SH3RF2: variants seen among roughly 807,000 people sequenced by gnomAD.
SH3RF2 encodes E3 ubiquitin-protein ligase SH3RF2.
SH3RF2 carries 43 observed loss-of-function variants against 59.0 expected under a neutral mutation model. The observed-to-expected ratio is 0.73, with a 90% CI of 0.57 to 0.94. SH3RF2 has a LOEUF of 0.94. Among genes scored for constraint, SH3RF2 ranks in the 40% least tolerant of loss-of-function variants. The pLI is 0.00. For missense variants in SH3RF2, 930 were observed against 940.1 expected (o/e 0.99, Z 0.14); for synonymous variants, 391 against 391.5 (o/e 1.00, Z 0.01).
chr5:146,003,438 T>C (rs956303606), intron 3 of SH3RF2, among the ~76,000 whole-genome samples: 4 of 152,250 alleles, frequency 2.6e-5, no homozygotes, highest in African/African-American at 4.8e-5. Flanking sequence ...TTTAAAAATA[T>C]GTATGTTTAT....
At chr5:146,066,359 C>T (rs1763106289), downstream of SH3RF2, among the ~76,000 whole-genome samples, 2 of 152,206 alleles carry the variant, frequency 1.3e-5, no homozygotes, top group Admixed American at 6.5e-5. Flanking sequence ...CTCTCAGAGC[C>T]TCGTTTTCTT....
intron 2 of SH3RF2, among the ~76,000 whole-genome samples, chr5:145,942,591 G>T (rs1035582101): frequency 8.5e-5 from 13 of 152,322 alleles, no homozygotes; most frequent in Middle Eastern, 3.4e-3. Context: ...TACAGACAGT[G>T]GGGTTTTTGC....
At chr5:146,031,943 G>T (rs538117141) in intron 5 of SH3RF2, among the ~76,000 whole-genome samples, 1 of 152,286 alleles carries the variant, frequency 6.6e-6, no homozygotes, top group East Asian at 1.9e-4. Context: ...TCACAATGAT[G>T]CATGCTCCAG....
In SH3RF2 at chr5:146,002,844, T is replaced by A. The variant is rs556930074; in HGVS notation, c.649-1214T>A. ...CTTATGAGAATCTAATGCCTGATAATGTGAGGTGGAGCAGTTTTATCTTGA... is the reference window on the plus strand; with the variant it reads ...CTTATGAGAATCTAATGCCTGATAAAGTGAGGTGGAGCAGTTTTATCTTGA... On this transcript the variant is annotated intron_variant, in intron 3 of 9. Transcript: ENST00000359120. Among the ~76,000 whole-genome samples, 5 of 152,310 alleles carry A rather than the reference T, an allele frequency of 3.3e-5. No individual in the cohort carries two copies. The East Asian group carries it at 9.6e-4, about 29-fold the overall frequency.
intron 5 of SH3RF2, among the ~76,000 whole-genome samples, chr5:146,032,763 AC>A (rs1223223925): frequency 2.0e-5 from 3 of 152,230 alleles, no homozygotes; most frequent in Non-Finnish European, 4.4e-5. Flanking sequence ...CACAGAAATG[AC>A]TGGGAAATCT....
At position 146,062,885 on chromosome 5, in the gene SH3RF2, G is replaced by GT. The variant is rs1311161729; in HGVS notation, c.*185dup. ...TGCCCTGGGTGGGAGGATAGATGGC[G>GT]TGGCCTTCCAAACATACAAACATAA... On this transcript the variant is annotated 3_prime_UTR_variant, in exon 10 of 10. Transcript: ENST00000359120. 1 of 736,516 alleles carries GT rather than the reference G, an allele frequency of 1.4e-6. No homozygotes were observed. Among genetic ancestry groups the GT allele is most frequent in the Non-Finnish European group, 2.2e-6 (1 of 464,368 alleles). 45.6% of individuals were successfully genotyped at this position (736,516 alleles called of 1,614,324 possible). A position where few individuals can be genotyped will look rare whatever the true frequency, so the allele number is the denominator to read the frequency against.
intron 2 of SH3RF2, among the ~76,000 whole-genome samples, chr5:145,979,149 C>G (rs1009953943): frequency 1.3e-5 from 2 of 152,134 alleles, no homozygotes; most frequent in South Asian, 4.1e-4. Flanking sequence ...AACAATAGTT[C>G]CCAAAGTGTG....
intron 3 of SH3RF2, among the ~76,000 whole-genome samples, chr5:146,003,581 A>G (rs1479021093): frequency 6.6e-6 from 1 of 152,236 alleles, no homozygotes; most frequent in Non-Finnish European, 1.5e-5. Context: ...AAATGTTTCT[A>G]CAAATTTACA....
chr5:146,055,155 G>A (rs191095188), intron 7 of SH3RF2, among the ~76,000 whole-genome samples: 1 of 152,206 alleles, frequency 6.6e-6, no homozygotes, highest in Non-Finnish European at 1.5e-5. Flanking sequence ...CCTACCATCT[G>A]CTTTAGTTCA....
chr5:145,969,679 G>C (rs995407172), intron 2 of SH3RF2, among the ~76,000 whole-genome samples: 1 of 151,564 alleles, frequency 6.6e-6, no homozygotes, highest in African/African-American at 2.4e-5. Context: ...AGGCTGCAGT[G>C]AACTGTAATT....
intron 4 of SH3RF2, among the ~76,000 whole-genome samples, chr5:146,009,500 C>G (rs76911534): frequency 0.027 from 4,082 of 152,266 alleles, 187 homozygotes; most frequent in African/African-American, 0.093. Flanking sequence ...CCTCCATTTT[C>G]ACATAGCTAG....
downstream of SH3RF2, among the ~76,000 whole-genome samples, chr5:146,064,972 T>C (rs1175488019): frequency 3.3e-5 from 5 of 152,090 alleles, no homozygotes; most frequent in Non-Finnish European, 5.9e-5. Flanking sequence ...ACATGTATCT[T>C]TTACACACCC....
At chr5:145,983,143 C>A (rs1028080498) in intron 2 of SH3RF2, among the ~76,000 whole-genome samples, 2 of 151,992 alleles carry the variant, frequency 1.3e-5, no homozygotes, top group Admixed American at 1.3e-4. Flanking sequence ...TCTTAGCAGG[C>A]AATAGGGCAC....
At chr5:145,942,691 G>A (rs892963802) in intron 2 of SH3RF2, among the ~76,000 whole-genome samples, 3 of 152,172 alleles carry the variant, frequency 2.0e-5, no homozygotes, top group Admixed American at 1.3e-4. Context: ...TGTAGTAGGT[G>A]GAGGAAGACA....
intron 5 of SH3RF2, among the ~76,000 whole-genome samples, chr5:146,042,522 T>C (rs1457239999): frequency 6.6e-6 from 1 of 152,220 alleles, no homozygotes; most frequent in Non-Finnish European, 1.5e-5. Flanking sequence ...CAATCACTTG[T>C]CCAAGATCAC....
chr5:146,056,610 G>T (rs544200101), intron 8 of SH3RF2, among the ~76,000 whole-genome samples: 2 of 152,346 alleles, frequency 1.3e-5, no homozygotes, highest in East Asian at 1.9e-4. Flanking sequence ...GGATGGGCAG[G>T]GCGTGGGAGT....
chr5:145,956,259 C>A (rs1047257589), intron 2 of SH3RF2, among the ~76,000 whole-genome samples: 1 of 152,016 alleles, frequency 6.6e-6, no homozygotes, highest in Non-Finnish European at 1.5e-5. Flanking sequence ...AGAAAGCATT[C>A]TTTTGCTTTT....
At chr5:145,972,140 G>A (rs1432774) in intron 2 of SH3RF2, among the ~76,000 whole-genome samples, 3 of 151,966 alleles carry the variant, frequency 2.0e-5, no homozygotes, top group African/African-American at 2.4e-5. Context: ...GTTCAAATCC[G>A]TACTGTACTA....
intron 5 of SH3RF2, among the ~76,000 whole-genome samples, chr5:146,024,601 T>C (rs1373714008): frequency 1.3e-5 from 2 of 152,220 alleles, no homozygotes; most frequent in Non-Finnish European, 2.9e-5. Context: ...TGTGCTTTTG[T>C]TGTCATATCT....
Sources: allele counts gnomAD v4.1 joint callset (sites outside exome capture counted in the v4.1 genomes callset), GRCh38; gene constraint gnomAD v4.1.1; transcripts MANE v1.5; gene names NCBI Gene and HGNC (gene_info 2026-07-23, HGNC 2026-07-21).